Variants in PARP1 observed in about 807,000 individuals in gnomAD.
PARP1 encodes the protein poly [ADP-ribose] polymerase 1.
In PARP1, 44 loss-of-function variants were observed where a neutral mutation model predicts 118.7. The observed-to-expected ratio is 0.37, with a 90% CI of 0.29 to 0.48. The LOEUF (loss-of-function observed/expected upper bound fraction) is 0.48. Among genes scored for constraint, PARP1 ranks in the 20% least tolerant of loss-of-function variants. The pLI, the probability that PARP1 is intolerant of heterozygous loss-of-function variation, is 0.99. For synonymous variants in PARP1, 492 were observed against 483.2 expected (o/e 1.02, Z -0.24); for missense variants, 1,100 against 1,272.4 (o/e 0.86, Z 2.06).
chr1:226,382,065 G>A lies in PARP1; in HGVS notation c.1160-857C>T, dbSNP rs3219070. 4.6e-3 allele frequency among the ~76,000 whole-genome samples: 698 copies of A among 152,242 alleles called. 27 individuals are homozygous for A. The South Asian group carries it at 0.084, about 18-fold the overall frequency. On this transcript the variant is annotated intron_variant, in intron 8 of 22. Coordinates refer to ENST00000366794, the MANE Select transcript of PARP1 (RefSeq NM_001618.4). Reference sequence around the variant, plus strand: ...AGGCTGCCAGCAGCACAGTGGACTCGGGATGACCACCAGCACACACTGCAG... The same window carrying A: ...AGGCTGCCAGCAGCACAGTGGACTCAGGATGACCACCAGCACACACTGCAG...
chr1:226,388,598 T>C (rs1664757560), intron 5 of PARP1, 58 bp downstream of exon 5: 2 of 1,203,218 alleles, frequency 1.7e-6, no homozygotes. Context: ...CTTCCCAGAA[T>C]GAGAAAGAGA....
chr1:226,361,782 G>A (rs1576388923), intron 22 of PARP1, 187 bp downstream of exon 22: 2 of 667,074 alleles, frequency 3.0e-6, no homozygotes. Context: ...GAAACTGGGG[G>A]AAGGCTCATA....
intron 18 of PARP1, 57 bp from the exon 19 acceptor site, chr1:226,365,211 G>C: frequency 3.2e-6 from 5 of 1,576,340 alleles, no homozygotes. Flanking sequence ...TACTCTGGTT[G>C]ACTGAAAGAC....
intron 6 of PARP1, 21 bp from the exon 7 acceptor site, chr1:226,385,701 T>C (rs1805408): frequency 0.18 from 290,885 of 1,606,280 alleles, 29,494 homozygotes; most frequent in African/African-American, 0.4. Flanking sequence ...TGGAGAAACA[T>C]GTCAGAGGGC....
intron 2 of PARP1, chr1:226,401,844 T>C: frequency 2.9e-6 from 2 of 683,588 alleles, no homozygotes; most frequent in Non-Finnish European, 4.6e-6. Context: ...GGTTCCTCAA[T>C]TATAACAAAT....
chr1:226,364,523 C>T (rs1286913768), intron 19 of PARP1, among the ~76,000 whole-genome samples: 2 of 152,272 alleles, frequency 1.3e-5, no homozygotes, highest in Non-Finnish European at 2.9e-5. Context: ...ATCATTTAAA[C>T]TTCTCTCCTC....
intron 9 of PARP1, 41 bp downstream of exon 9, chr1:226,381,027 A>T (rs769422267): frequency 1.2e-6 from 2 of 1,610,960 alleles, no homozygotes; most frequent in Non-Finnish European, 1.7e-6. Flanking sequence ...CATAAGATAC[A>T]GAAGCATTGT....
intron 21 of PARP1, among the ~76,000 whole-genome samples, chr1:226,362,433 C>T (rs763002904): frequency 6.6e-6 from 1 of 152,140 alleles, no homozygotes; most frequent in Non-Finnish European, 1.5e-5. Context: ...TGATCCACCA[C>T]ACCCAGCCTC....
chr1:226,361,606 TCC>T (rs1252421246), intron 22 of PARP1, 65 bp from the exon 23 acceptor site: 1 of 1,164,540 alleles, frequency 8.6e-7, no homozygotes, highest in Non-Finnish European at 1.3e-6. Context: ...GTGCCTCATC[TCC>T]CCCAGGCTGG....
At chr1:226,398,602 C>T (rs908470745) in intron 2 of PARP1, among the ~76,000 whole-genome samples, 7 of 149,100 alleles carry the variant, frequency 4.7e-5, no homozygotes, top group Admixed American at 4.7e-4. Context: ...GGTAAATAAA[C>T]GTATGAGAAG....
chr1:226,380,470 G>C (rs1558237426), intron 9 of PARP1, among the ~76,000 whole-genome samples: 1 of 152,208 alleles, frequency 6.6e-6, no homozygotes. Context: ...TCTGGTTCCT[G>C]AAGACCTACA....
intron 3 of PARP1, among the ~76,000 whole-genome samples, chr1:226,390,977 C>A (rs2102741382): frequency 6.6e-6 from 1 of 150,892 alleles, no homozygotes; most frequent in African/African-American, 2.4e-5. Context: ...CCTTGCACAC[C>A]TGCGTGGGCT....
intron 21 of PARP1, among the ~76,000 whole-genome samples, chr1:226,362,736 G>A (rs1891108): frequency 0.8 from 121,779 of 151,688 alleles, 49,339 homozygotes; most frequent in Middle Eastern, 0.87. Context: ...GCCGAAACCC[G>A]TGCATCTGGT....
At chr1:226,373,276 G>C (rs539611495) in intron 14 of PARP1, among the ~76,000 whole-genome samples, 1 of 152,310 alleles carries the variant, frequency 6.6e-6, no homozygotes, top group African/African-American at 2.4e-5. Flanking sequence ...GCTTAAGGCT[G>C]ATCTGAGACT....
intron 4 of PARP1, 61 bp downstream of exon 4, chr1:226,390,349 T>C: frequency 6.8e-7 from 1 of 1,462,916 alleles, no homozygotes; most frequent in Non-Finnish European, 9.6e-7. Context: ...CTGTAGGGCC[T>C]TTGGGCCTCC....
rs138653264 is a variant in PARP1, at chr1:226,380,040, C to T, written c.1425G>A (p.Ala475=). 20 of 1,614,184 alleles carry T rather than the reference C, an allele frequency of 1.2e-5. No homozygotes were observed. Among genetic ancestry groups the T allele is most frequent in the South Asian group, 3.3e-5 (3 of 91,062 alleles). ...CTGCCCCCCAAGGGGACAAGATGTG[C>T]GCTAAGAACAACTCCTGAAGGCTCT... ...STKSLQELFL[A]HILSPWGAEV... Residue 475 remains alanine, a synonymous_variant, in exon 10 of 23, where the codon GCG becomes GCA. Coordinates refer to ENST00000366794, the MANE Select transcript of PARP1 (RefSeq NM_001618.4).
At position 226,363,978 on chromosome 1, in the gene PARP1, G is replaced by C. The variant is rs149424805; in HGVS notation, c.2751C>G (p.Gly917=). Residue 917 remains glycine, a synonymous_variant, in exon 20 of 23, where the codon GGC becomes GGG. Coordinates refer to ENST00000366794, the MANE Select transcript of PARP1 (RefSeq NM_001618.4). Reference sequence around the variant, plus strand: ...GGGCAACTTCTCCCAACAGGATTAAGCCTATTGGGTCTCCCTGAGACGTAT... The same window carrying C: ...GGGCAACTTCTCCCAACAGGATTAACCCTATTGGGTCTCCCTGAGACGTAT... ...YCHTSQGDPI[G]LILLGEVALG... is the part of the protein sequence containing the mutation. 6.2e-7 allele frequency: 1 copy of C among 1,613,882 alleles called. No homozygotes were observed. The highest frequency in any genetic ancestry group is 1.3e-5 in the African/African-American group (1 of 75,024).
At chr1:226,369,358 T>A (rs753402936) in intron 15 of PARP1, among the ~76,000 whole-genome samples, 9 of 152,178 alleles carry the variant, frequency 5.9e-5, no homozygotes, top group Non-Finnish European at 1.3e-4. Flanking sequence ...AGCGGAACCC[T>A]CCAGCCCCTC....
chr1:226,386,838 A>C (rs1664725799), intron 5 of PARP1, among the ~76,000 whole-genome samples: 1 of 152,180 alleles, frequency 6.6e-6, no homozygotes, highest in African/African-American at 2.4e-5. Flanking sequence ...CACCAATCTT[A>C]GAGTAGGAAT....
Sources: gnomAD v4.1 joint callset for allele counts (sites outside exome capture counted in the v4.1 genomes callset) on GRCh38, gnomAD v4.1.1 for gene constraint, MANE v1.5 for transcripts, NCBI Gene and HGNC (gene_info 2026-07-23, HGNC 2026-07-21) for gene names.